DLG2: variants seen among roughly 807,000 people sequenced by gnomAD.
The protein encoded by DLG2 is discs large MAGUK scaffold protein 2, also known as disks large homolog 2.
DLG2 carries 45 observed loss-of-function variants against 132.5 expected under a neutral mutation model. The observed-to-expected ratio is 0.34, with a 90% CI of 0.27 to 0.44. The LOEUF is 0.44. DLG2 is among the 20% of genes least tolerant of loss of function. DLG2 has a pLI of 1.00. For missense variants in DLG2, 1,045 were observed against 1,196.9 expected, an observed-to-expected ratio of 0.87 and a Z score of 1.87; for synonymous variants, 424 against 419.6, an observed-to-expected ratio of 1.01 and a Z score of -0.13.
intron 11 of DLG2, among the ~76,000 whole-genome samples, chr11:84,046,397 T>C (rs12806818): frequency 0.023 from 3,418 of 151,656 alleles, 70 homozygotes; most frequent in Middle Eastern, 0.034. Context: ...CCACATTCAG[T>C]TGATTCAAAT....
chr11:85,438,504 C>A (rs536041214), intron 3 of DLG2, among the ~76,000 whole-genome samples: 2 of 151,924 alleles, frequency 1.3e-5, no homozygotes, highest in Admixed American at 1.3e-4. Flanking sequence ...TAGCAAAAAC[C>A]GCAATTACTT....
intron 8 of DLG2, among the ~76,000 whole-genome samples, chr11:84,218,458 C>T (rs556803623): frequency 3.9e-5 from 6 of 152,058 alleles, no homozygotes; most frequent in Non-Finnish European, 7.4e-5. Context: ...CAAATAAGAG[C>T]GTATTTCCTG....
rs1361317103 is a variant in DLG2 at position 84,502,168 on chromosome 11, CTCTCTCTT to C, written c.519+32394_519+32401del. 6.9e-3 allele frequency among the ~76,000 whole-genome samples: 232 copies of C among 33,442 alleles called. 6 individuals are homozygous for C. Among genetic ancestry groups the C allele is most frequent in the African/African-American group, 9.9e-3 (38 of 3,840 alleles). 21.9% of individuals were successfully genotyped at this position (33,442 alleles called of 152,430 possible). A position where few individuals can be genotyped will look rare whatever the true frequency, so the allele number is the denominator to read the frequency against. On this transcript the variant is annotated intron_variant, in intron 7 of 27. Coordinates refer to ENST00000376104, the MANE Select transcript of DLG2 (RefSeq NM_001142699.3). ...TTCCTTCCTTCCTTCCTTTCTCTCT[CTCTCTCTT>C]TCTCTCTCTTTCTCTCTCTCTCTCT... is the stretch of plus-strand genomic sequence containing the variant.
At chr11:85,433,769 A>T (rs1200402393) in intron 3 of DLG2, among the ~76,000 whole-genome samples, 1 of 152,234 alleles carries the variant, frequency 6.6e-6, no homozygotes, top group Non-Finnish European at 1.5e-5. Flanking sequence ...CAAGATAGAA[A>T]ATTAACAAGG....
chr11:83,511,103 C>CACACACACACACACACAT (rs1286393506), intron 21 of DLG2, among the ~76,000 whole-genome samples: 5 of 150,786 alleles, frequency 3.3e-5, no homozygotes. Context: ...CACACACACA[C>CACACACACACACACACAT]ACACACACAC....
intron 4 of DLG2, among the ~76,000 whole-genome samples, chr11:85,279,780 C>T (rs908502341): frequency 6.6e-6 from 1 of 152,062 alleles, no homozygotes; most frequent in Non-Finnish European, 1.5e-5. Flanking sequence ...ATTCAAGAAC[C>T]TATTGAGAGC....
At chr11:84,252,097 C>T (rs539179814) in intron 7 of DLG2, among the ~76,000 whole-genome samples, 4 of 149,414 alleles carry the variant, frequency 2.7e-5, no homozygotes, top group East Asian at 2.0e-4. Context: ...TCAACATCTA[C>T]GTTTACACAT....
intron 4 of DLG2, among the ~76,000 whole-genome samples, chr11:85,163,128 G>T (rs1375041507): frequency 6.6e-6 from 1 of 151,940 alleles, no homozygotes; most frequent in Non-Finnish European, 1.5e-5. Context: ...GACTCTGACT[G>T]GCTTTCCTGT....
At chr11:83,477,693 G>A (rs531291805) in intron 22 of DLG2, among the ~76,000 whole-genome samples, 2 of 152,086 alleles carry the variant, frequency 1.3e-5, no homozygotes, top group Middle Eastern at 3.4e-3. Context: ...ATATGGAATG[G>A]TAAAGTATAA....
At chr11:83,552,476 C>T (rs1014981608) in intron 19 of DLG2, among the ~76,000 whole-genome samples, 11 of 152,030 alleles carry the variant, frequency 7.2e-5, no homozygotes, top group Non-Finnish European at 1.6e-4. Flanking sequence ...GATTGTAGAG[C>T]TCCTAGGAAG....
At chr11:84,302,202 T>C (rs1268265994) in intron 7 of DLG2, among the ~76,000 whole-genome samples, 1 of 151,942 alleles carries the variant, frequency 6.6e-6, no homozygotes, top group Non-Finnish European at 1.5e-5. Context: ...CTGCTGGGGT[T>C]GAGGGGCTAG....
chr11:84,322,882 G>T (rs982649449), intron 7 of DLG2, among the ~76,000 whole-genome samples: 2 of 152,038 alleles, frequency 1.3e-5, no homozygotes, highest in South Asian at 4.1e-4. Context: ...GAGCCACCAC[G>T]CCCAGCCGAT....
chr11:83,658,784 C>A (rs1380940422), intron 18 of DLG2, among the ~76,000 whole-genome samples: 4 of 152,172 alleles, frequency 2.6e-5, no homozygotes, highest in Non-Finnish European at 5.9e-5. Flanking sequence ...AGAAGTTTAC[C>A]ACTTCTCTAG....
intron 18 of DLG2, among the ~76,000 whole-genome samples, chr11:83,658,109 C>T (rs189609694): frequency 1.1e-3 from 169 of 152,310 alleles, no homozygotes; most frequent in African/African-American, 4.0e-3. Flanking sequence ...ACAATATTAG[C>T]TACTTCTATT....
chr11:84,638,170 A>T (rs1355347399), intron 6 of DLG2, among the ~76,000 whole-genome samples: 1 of 152,260 alleles, frequency 6.6e-6, no homozygotes, highest in African/African-American at 2.4e-5. Flanking sequence ...AAGCAATTTC[A>T]ACAAGAGTAA....
At chr11:83,497,348 GC>G (rs1486274006) in intron 21 of DLG2, among the ~76,000 whole-genome samples, 1 of 152,102 alleles carries the variant, frequency 6.6e-6, no homozygotes, top group African/African-American at 2.4e-5. Flanking sequence ...TTCGACACCA[GC>G]CTGATCAATA....
At chr11:84,595,791 A>G (rs1346402969) in intron 6 of DLG2, among the ~76,000 whole-genome samples, 1 of 152,240 alleles carries the variant, frequency 6.6e-6, no homozygotes, top group Non-Finnish European at 1.5e-5. Flanking sequence ...CAAATACTGC[A>G]GATGCTTTCT....
intron 6 of DLG2, among the ~76,000 whole-genome samples, chr11:85,060,348 A>G (rs1416774798): frequency 2.0e-5 from 3 of 150,326 alleles, no homozygotes; most frequent in Non-Finnish European, 4.4e-5. Context: ...ATATATGTAT[A>G]TATAATGTTA....
intron 6 of DLG2, among the ~76,000 whole-genome samples, chr11:84,600,701 T>A (rs2099574927): frequency 6.6e-6 from 1 of 152,188 alleles, no homozygotes; most frequent in Non-Finnish European, 1.5e-5. Flanking sequence ...CCTCACTGCT[T>A]AACAAAACCA....
Sources: gnomAD v4.1 joint callset for allele counts (sites outside exome capture counted in the v4.1 genomes callset) on GRCh38, gnomAD v4.1.1 for gene constraint, MANE v1.5 for transcripts, NCBI Gene and HGNC (gene_info 2026-07-23, HGNC 2026-07-21) for gene names.